Variants in ACOT2 observed in about 807,000 individuals in gnomAD.
ACOT2 encodes the protein acyl-coenzyme A thioesterase 2, mitochondrial.
ACOT2 carries 15 observed loss-of-function variants against 20.1 expected under a neutral mutation model. The ratio of observed to expected loss-of-function variants is 0.75; its 90% CI spans 0.50 to 1.15. The LOEUF (loss-of-function observed/expected upper bound fraction) is 1.15. ACOT2 is among the 50% of genes most tolerant of loss of function. The probability of loss-of-function intolerance (pLI) is 0.00; values close to 1 mark genes in which losing one functional copy is unlikely to be tolerated. For synonymous variants in ACOT2, 252 were observed against 268.4 expected, an observed-to-expected ratio of 0.94 and a Z score of 0.60; for missense variants, 479 against 615.3, an observed-to-expected ratio of 0.78 and a Z score of 2.34.
Position 73,569,655 on chromosome 14 carries a change from C to A in ACOT2, c.415C>A (p.Pro139Thr), listed in dbSNP as rs764707471. ...ALGGSFAGLEPMGLLWALEPE... is the reference protein window; with the variant it reads ...ALGGSFAGLETMGLLWALEPE... ...GGGCGGCAGCTTCGCGGGGCTTGAG[C>A]CCATGGGGCTGCTCTGGGCCTTGGA... Residue 139 changes from proline to threonine, a missense_variant, in exon 1 of 3, where the codon CCC becomes ACC. Physicochemically the swap from Pro to Thr is conservative, Grantham distance 38 (BLOSUM62 -1). Transcript: ENST00000238651. 6.2e-7 allele frequency: 1 copy of A among 1,606,008 alleles called. No homozygotes were observed. The highest frequency in any genetic ancestry group is 1.1e-5 in the South Asian group (1 of 90,500).
At chr14:73,570,222 G>A (rs1427624025) in intron 1 of ACOT2, among the ~76,000 whole-genome samples, 1 of 151,728 alleles carries the variant, frequency 6.6e-6, no homozygotes, top group African/African-American at 2.4e-5. Flanking sequence ...GATTGGGGAA[G>A]TGTCCCTGCC....
chr14:73,569,118 T>G, upstream of ACOT2: 1 of 1,196,778 alleles, frequency 8.4e-7, no homozygotes. Flanking sequence ...CAGGAGACTT[T>G]AAGCAAGTTC....
intron 1 of ACOT2, among the ~76,000 whole-genome samples, chr14:73,572,723 G>A (rs1458991894): frequency 1.4e-5 from 2 of 143,696 alleles, no homozygotes; most frequent in Admixed American, 7.3e-5. Flanking sequence ...TTGGCTCACT[G>A]CAACCTCCAC....
At chr14:73,571,328 A>C (rs558746452) in intron 1 of ACOT2, 9 of 163,810 alleles carry the variant, frequency 5.5e-5, no homozygotes, top group African/African-American at 2.2e-4. Flanking sequence ...AGGATAATTC[A>C]CTCCACAAGC....
In ACOT2 at chr14:73,573,414, G is replaced by T; in HGVS notation, c.670G>T (p.Asp224Tyr). The T allele has an allele frequency of 6.2e-7, 1 of 1,613,722 alleles. No individual in the cohort carries two copies. Among genetic ancestry groups the T allele is most frequent in the Non-Finnish European group, 8.5e-7 (1 of 1,179,722 alleles). ...PEPGPFPGIV[D>Y]MFGTGGGLLE... ...ACCTGGGCCCTTTCCTGGGATTGTG[G>T]ACATGTTCGGAACTGGAGGTGGCCT... Residue 224 changes from aspartate to tyrosine, a missense_variant, in exon 2 of 3, where the codon GAC becomes TAC. By Grantham distance (160) the Asp-to-Tyr change is radical. Around this residue, in one of 4 missense-constraint regions of ACOT2, gnomAD observed 400 missense variants for 395.5 expected, o/e 1.01. Coordinates refer to ENST00000238651, the MANE Select transcript of ACOT2 (RefSeq NM_006821.6).
At chr14:73,568,546 G>A (rs1374581646), upstream of ACOT2, among the ~76,000 whole-genome samples, 1 of 151,110 alleles carries the variant, frequency 6.6e-6, no homozygotes, top group African/African-American at 2.4e-5. Context: ...GTCTGGCAAT[G>A]TAGTGAGACC....
chr14:73,571,269 T>C (rs3815285), intron 1 of ACOT2: 1 of 157,842 alleles, frequency 6.3e-6, no homozygotes, highest in Middle Eastern at 2.7e-3. Context: ...GAATGGTATC[T>C]TTGTCATCAG....
Position 73,569,739 on chromosome 14 carries a change from G to C in ACOT2, c.499G>C (p.Glu167Gln). The change falls in exon 1 of 3, where the codon GAG becomes CAG. Residue 167 changes from glutamate to glutamine, a missense_variant. Physicochemically the swap from Glu to Gln is conservative, Grantham distance 29. This residue lies in a region of ACOT2 where 400 missense variants were observed against 395.5 expected (regional missense o/e 1.01). Transcript: ENST00000238651. ...CGACGTGCGAACGCCCTTGGCCGTG[G>C]AGCTGGAGGTGCTGGATGGCCACGA... ...KRDVRTPLAVELEVLDGHDPD... is the reference protein window; with the variant it reads ...KRDVRTPLAVQLEVLDGHDPD... The C allele has an allele frequency of 6.2e-7, 1 of 1,609,570 alleles. No individual in the cohort carries two copies. The highest frequency in any genetic ancestry group is 8.5e-7 in the Non-Finnish European group (1 of 1,178,846).
At chr14:73,570,430 G>A (rs1357332065) in intron 1 of ACOT2, among the ~76,000 whole-genome samples, 2 of 151,898 alleles carry the variant, frequency 1.3e-5, no homozygotes, top group East Asian at 1.9e-4. Context: ...GTAGCTGGGC[G>A]TAGTAGCGGG....
intron 2 of ACOT2, chr14:73,574,412 G>A (rs940595887): frequency 1.8e-5 from 4 of 226,240 alleles, no homozygotes; most frequent in Middle Eastern, 1.8e-3. Flanking sequence ...CTACAGGCAC[G>A]TGCCACTACT....
At chr14:73,573,720 ACTT>A (rs1889814330) in intron 2 of ACOT2, 130 bp downstream of exon 2, 10 of 1,121,614 alleles carry the variant, frequency 8.9e-6, no homozygotes, top group Non-Finnish European at 1.2e-5. Flanking sequence ...TTTTTTAGTC[ACTT>A]CTTATAGACA....
chr14:73,573,317 A>G (rs983687413), intron 1 of ACOT2, 71 bp from the exon 2 acceptor site: 45 of 1,602,190 alleles, frequency 2.8e-5, no homozygotes, highest in Middle Eastern at 3.3e-4. Flanking sequence ...TGGTAAGTAT[A>G]TGTTTAACTT....
chr14:73,570,898 T>A (rs934375132), intron 1 of ACOT2, among the ~76,000 whole-genome samples: 3 of 87,198 alleles, frequency 3.4e-5, no homozygotes, highest in Non-Finnish European at 6.7e-5. Context: ...AGAGTGACTC[T>A]ATCTTAAAAA....
In ACOT2 at chr14:73,573,346, A is replaced by G. The variant is rs555429524; in HGVS notation, c.644-42A>G. ...TTAACTTAAACCATCCAACTGTTTC[A>G]GGAATAGCTTAGTTTTGCATTTTGT... On this transcript the variant is annotated intron_variant, in intron 1 of 2. Transcript: ENST00000238651. 1.3e-4 allele frequency: 209 copies of G among 1,612,300 alleles called. 6 individuals carry two copies. In the South Asian group the frequency reaches 2.3e-3, roughly 17 times the overall value.
Position 73,575,348 on chromosome 14 carries a change from C to A in ACOT2, c.1287C>A (p.Phe429Leu). 5.1e-6 allele frequency: 5 copies of A among 983,774 alleles called. No individual in the cohort carries two copies. Among genetic ancestry groups the A allele is most frequent in the Non-Finnish European group, 7.2e-6 (5 of 696,414 alleles). 60.9% of individuals were successfully genotyped at this position (983,774 alleles called of 1,614,324 possible). ...ETGHYIEPPYFPLCRASLHAL... is the reference protein window; with the variant it reads ...ETGHYIEPPYLPLCRASLHAL... The stretch of plus-strand genomic sequence containing the variant: ...GGCACTATATTGAGCCTCCTTACTT[C>A]CCCCTGTGTCGGGCTTCCCTGCATG... The change falls in exon 3 of 3, where the codon TTC (phenylalanine) becomes TTA (leucine). Residue 429 changes from phenylalanine to leucine, a missense_variant. Coordinates refer to ENST00000238651, the MANE Select transcript of ACOT2 (RefSeq NM_006821.6).
At chr14:73,572,653 T>C (rs1237301626) in intron 1 of ACOT2, among the ~76,000 whole-genome samples, 2 of 134,576 alleles carry the variant, frequency 1.5e-5, no homozygotes, top group Admixed American at 1.5e-4. Context: ...TTTTTTTTTT[T>C]TTTTTTTTTT....
chr14:73,571,608 G>C (rs1283982510), intron 1 of ACOT2: 1 of 150,976 alleles, frequency 6.6e-6, no homozygotes, highest in Admixed American at 6.6e-5. Flanking sequence ...AGCTCCCTGA[G>C]AAGGGGCGGC....
upstream of ACOT2, chr14:73,569,189 G>A (rs1246621679): frequency 1.3e-6 from 2 of 1,593,474 alleles, no homozygotes; most frequent in Non-Finnish European, 1.7e-6. Flanking sequence ...GCTCACGTTA[G>A]CAGACAGCTC....
intron 1 of ACOT2, 136 bp from the exon 2 acceptor site, chr14:73,573,252 G>A (rs1195341613): frequency 3.8e-6 from 5 of 1,330,300 alleles, no homozygotes; most frequent in South Asian, 1.2e-5. Context: ...TGGACGAACA[G>A]GTTTTCATTT....
Sources: gnomAD v4.1 joint callset for allele counts (sites outside exome capture counted in the v4.1 genomes callset) on GRCh38, gnomAD v4.1.1 for gene constraint, gnomAD v4.1.1 regional missense constraint, MANE v1.5 for transcripts, NCBI Gene and HGNC (gene_info 2026-07-23, HGNC 2026-07-21) for gene names.